WWOX: variants seen among roughly 807,000 people sequenced by gnomAD.
The protein encoded by WWOX is WW domain-containing oxidoreductase.
In WWOX, 69 loss-of-function variants were observed where a neutral mutation model predicts 46.2. The ratio of observed to expected loss-of-function variants is 1.49; its 90% CI spans 1.23 to 1.82. The LOEUF (loss-of-function observed/expected upper bound fraction) is 1.82, where lower values mean the gene tolerates loss of function less well. Among genes scored for constraint, WWOX ranks in the 40% most tolerant of loss-of-function variants. The pLI, the probability that WWOX is intolerant of heterozygous loss-of-function variation, is 0.00. For missense variants in WWOX, 919 were observed against 542.6 expected (o/e 1.69, Z -6.89); for synonymous variants, 359 against 202.6 (o/e 1.77, Z -6.56).
chr16:78,524,820 G>C (rs1447184498), intron 8 of WWOX, among the ~76,000 whole-genome samples: 2 of 123,214 alleles, frequency 1.6e-5, no homozygotes, highest in Non-Finnish European at 1.6e-5. Context: ...TTTTTTATGG[G>C]TTTTTTTTTT....
intron 8 of WWOX, among the ~76,000 whole-genome samples, chr16:79,096,478 G>C (rs899190741): frequency 3.3e-5 from 5 of 152,004 alleles, no homozygotes; most frequent in African/African-American, 1.2e-4. Flanking sequence ...GCCCCTCCTG[G>C]TTATCCCACT....
At chr16:78,623,354 G>A (rs1278580297) in intron 8 of WWOX, among the ~76,000 whole-genome samples, 2 of 152,134 alleles carry the variant, frequency 1.3e-5, no homozygotes, top group East Asian at 1.9e-4. Context: ...GGTTTCAGAG[G>A]AGAGATGGGA....
intron 5 of WWOX, among the ~76,000 whole-genome samples, chr16:78,184,647 A>C (rs2035639368): frequency 6.6e-6 from 1 of 152,154 alleles, no homozygotes; most frequent in South Asian, 2.1e-4. Context: ...TATTTATATT[A>C]CATTCATGTT....
rs1170985464 is a variant in WWOX at position 79,212,173 on chromosome 16, C to T, written c.*377C>T. On this transcript the variant is annotated 3_prime_UTR_variant, in exon 9 of 9. Transcript: ENST00000566780. ...CATCCAGCTACCACCACGGCCACCA[C>T]TGCAGCCGGGGGCTGGCCTTCTCCT... 4 of 1,480,842 alleles carry T rather than the reference C, an allele frequency of 2.7e-6. No homozygotes were observed. In the South Asian group the frequency reaches 4.0e-5, roughly 15 times the overall value. The allele number at this position is 1,480,842 out of a possible 1,614,324, so 91.7% of individuals were successfully genotyped here. A position where few individuals can be genotyped will look rare whatever the true frequency, so the allele number is the denominator to read the frequency against.
At chr16:78,943,372 G>C (rs551917723) in intron 8 of WWOX, among the ~76,000 whole-genome samples, 30 of 147,172 alleles carry the variant, frequency 2.0e-4, no homozygotes, top group Admixed American at 1.5e-3. Flanking sequence ...TTCACTAACT[G>C]TTCATCTCCT....
rs114185969 is a variant in WWOX at position 78,124,602 on chromosome 16, G to A, written c.409+9448G>A. On this transcript the variant is annotated intron_variant, in intron 4 of 8. Coordinates refer to ENST00000566780, the MANE Select transcript of WWOX (RefSeq NM_016373.4). ...CTTTTAGTTTCTTGCCTAAATTTGT[G>A]ATCTCCCTTTGGCTTCATAAATAAC... is the stretch of plus-strand genomic sequence containing the variant. Among the ~76,000 whole-genome samples, 1,164 of 152,286 alleles carry A rather than the reference G, an allele frequency of 7.6e-3. 13 individuals carry two copies. The highest frequency in any genetic ancestry group is 0.027 in the African/African-American group (1,102 of 41,544).
At chr16:79,082,290 G>C (rs956562538) in intron 8 of WWOX, among the ~76,000 whole-genome samples, 1 of 152,182 alleles carries the variant, frequency 6.6e-6, no homozygotes, top group African/African-American at 2.4e-5. Context: ...ACTTTGATTT[G>C]AGACCCGTTT....
intron 8 of WWOX, among the ~76,000 whole-genome samples, chr16:79,102,203 T>C (rs989304933): frequency 6.6e-6 from 1 of 152,104 alleles, no homozygotes. Context: ...TCTCAATCTT[T>C]CTGAAAGATA....
chr16:79,075,287 C>T (rs1386721647), intron 8 of WWOX, among the ~76,000 whole-genome samples: 1 of 152,086 alleles, frequency 6.6e-6, no homozygotes, highest in Non-Finnish European at 1.5e-5. Flanking sequence ...TTTTTTAACC[C>T]ATTGTAAAAA....
At chr16:78,994,798 G>C (rs1424043007) in intron 8 of WWOX, among the ~76,000 whole-genome samples, 2 of 152,084 alleles carry the variant, frequency 1.3e-5, no homozygotes, top group East Asian at 3.9e-4. Context: ...ACAAAGAGCA[G>C]GGTTTCGCCG....
intron 8 of WWOX, among the ~76,000 whole-genome samples, chr16:78,948,480 T>G (rs1467701734): frequency 1.3e-5 from 2 of 152,164 alleles, no homozygotes; most frequent in African/African-American, 4.8e-5. Flanking sequence ...TTTCTGCTTT[T>G]GAGAACCTCC....
chr16:78,949,278 C>G (rs997179097), intron 8 of WWOX, among the ~76,000 whole-genome samples: 1 of 152,148 alleles, frequency 6.6e-6, no homozygotes, highest in South Asian at 2.1e-4. Flanking sequence ...GGACTTCCAA[C>G]CCACAGCAAC....
intron 5 of WWOX, among the ~76,000 whole-genome samples, chr16:78,218,432 G>T (rs775028301): frequency 3.1e-4 from 47 of 152,094 alleles, no homozygotes; most frequent in Non-Finnish European, 5.7e-4. Context: ...GTAAATGTGT[G>T]TATGATGTAA....
At position 78,269,775 on chromosome 16, in the gene WWOX, T is replaced by G. The variant is rs2079437712; in HGVS notation, c.516+105486T>G. On this transcript the variant is annotated intron_variant, in intron 5 of 8. Transcript: ENST00000566780. ...TATTTATTATCCTTTTCATAAATAC[T>G]TTCCGAGGCCGACATAACTGAAAAT... 2.0e-5 allele frequency among the ~76,000 whole-genome samples: 3 copies of G among 152,330 alleles called. No individual in the cohort carries two copies. In the South Asian group the frequency reaches 6.2e-4, roughly 32 times the overall value.
chr16:78,623,199 G>T (rs1010587298), intron 8 of WWOX, among the ~76,000 whole-genome samples: 5 of 151,948 alleles, frequency 3.3e-5, no homozygotes, highest in Admixed American at 2.0e-4. Context: ...GAAGCTTTAA[G>T]ATAATAAATG....
chr16:78,964,787 A>G (rs1278268454), intron 8 of WWOX, among the ~76,000 whole-genome samples: 11 of 152,304 alleles, frequency 7.2e-5, no homozygotes, highest in Non-Finnish European at 1.0e-4. Flanking sequence ...AAATGATTTC[A>G]TGGGCCCAGC....
At chr16:78,435,701 A>T (rs576261964) in intron 8 of WWOX, among the ~76,000 whole-genome samples, 1 of 152,286 alleles carries the variant, frequency 6.6e-6, no homozygotes, top group South Asian at 2.1e-4. Context: ...GAAAGTGGCA[A>T]CCTGGGACAG....
At position 78,534,792 on chromosome 16, in the gene WWOX, C is replaced by T. The variant is rs113365155; in HGVS notation, c.1056+102040C>T. On this transcript the variant is annotated intron_variant, in intron 8 of 8. Coordinates refer to ENST00000566780, the MANE Select transcript of WWOX (RefSeq NM_016373.4). The stretch of plus-strand genomic sequence containing the variant: ...TGGCACAATCTCAGCTCACTGCAAC[C>T]TCCACCTCCCGGGTTCAAGCGATTC... Among the ~76,000 whole-genome samples, 272 of 152,166 alleles carry T rather than the reference C, an allele frequency of 1.8e-3. 1 individual carries two copies. Among genetic ancestry groups the T allele is most frequent in the Middle Eastern group, 6.8e-3 (2 of 294 alleles).
At chr16:79,183,384 C>T (rs532092374) in intron 8 of WWOX, among the ~76,000 whole-genome samples, 8 of 152,234 alleles carry the variant, frequency 5.3e-5, no homozygotes, top group East Asian at 3.9e-4. Context: ...TGTCAGCCAC[C>T]GTGCTATGAA....
Sources: allele counts gnomAD v4.1 joint callset (sites outside exome capture counted in the v4.1 genomes callset), GRCh38; gene constraint gnomAD v4.1.1; transcripts MANE v1.5; gene names NCBI Gene and HGNC (gene_info 2026-07-23, HGNC 2026-07-21).